The following TMEM135 variants were observed in gnomAD, a reference collection of about 807,000 sequenced individuals.
The protein encoded by TMEM135 is peroxisomal membrane protein 52.
Under a neutral mutation model 60.3 loss-of-function variants are expected in TMEM135, and 30 were observed. That is an observed-to-expected ratio of 0.50 (90% confidence interval 0.37 to 0.68). The LOEUF is 0.68. Ranked by LOEUF, TMEM135 falls within the 30% of genes least tolerant of loss-of-function variation. TMEM135 has a pLI of 0.00. For synonymous variants in TMEM135, 190 were observed against 186.7 expected, an observed-to-expected ratio of 1.02 and a Z score of -0.14; for missense variants, 468 against 548.8, an observed-to-expected ratio of 0.85 and a Z score of 1.47.
chr11:87,145,300 A>G (rs1317266532), intron 4 of TMEM135, among the ~76,000 whole-genome samples: 1 of 152,170 alleles, frequency 6.6e-6, no homozygotes, highest in Non-Finnish European at 1.5e-5. Context: ...TAGTGTAAAT[A>G]CCTCACCTTT....
chr11:87,277,317 G>C (rs1941986677), intron 6 of TMEM135: 1 of 371,656 alleles, frequency 2.7e-6, no homozygotes, highest in African/African-American at 2.2e-5. Flanking sequence ...TTTTTGTAGA[G>C]ATGAGGTTTC....
chr11:87,197,912 C>G (rs1189474238), intron 5 of TMEM135, among the ~76,000 whole-genome samples: 2 of 151,870 alleles, frequency 1.3e-5, no homozygotes, highest in East Asian at 3.9e-4. Context: ...AAATATTTAT[C>G]TATTTTTATT....
chr11:87,127,913 A>C (rs1029556968), intron 4 of TMEM135, among the ~76,000 whole-genome samples: 16 of 152,212 alleles, frequency 1.1e-4, no homozygotes, highest in Admixed American at 7.9e-4. Flanking sequence ...GAATACAATA[A>C]TGTACATGTG....
At chr11:87,045,234 G>C (rs951028518) in intron 1 of TMEM135, among the ~76,000 whole-genome samples, 13 of 148,954 alleles carry the variant, frequency 8.7e-5, no homozygotes, top group Admixed American at 8.7e-4. Context: ...GTTTCACTCT[G>C]TTAGCCAGGA....
At chr11:87,286,483 C>T (rs867254695) in intron 6 of TMEM135, among the ~76,000 whole-genome samples, 11 of 152,238 alleles carry the variant, frequency 7.2e-5, no homozygotes, top group Admixed American at 2.0e-4. Context: ...GCCAGGGCCA[C>T]GGGCGGAGCT....
At chr11:87,268,175 TTTCTTTTCTTTC>T (rs1941789723) in intron 6 of TMEM135, among the ~76,000 whole-genome samples, 1 of 149,136 alleles carries the variant, frequency 6.7e-6, no homozygotes, top group African/African-American at 2.4e-5. Context: ...TTTCCTTTCT[TTTCTTTTCTTTC>T]TTCTTTTCTG....
chr11:87,056,030 C>T (rs1212281012), intron 1 of TMEM135, among the ~76,000 whole-genome samples: 1 of 152,060 alleles, frequency 6.6e-6, no homozygotes, highest in Non-Finnish European at 1.5e-5. Context: ...ACGCGTCCAC[C>T]CTAGGTACAA....
intron 5 of TMEM135, among the ~76,000 whole-genome samples, chr11:87,206,554 A>C (rs1940238960): frequency 1.3e-5 from 2 of 152,172 alleles, no homozygotes; most frequent in Admixed American, 1.3e-4. Flanking sequence ...ATTTTTATGA[A>C]GTATCCATGA....
chr11:87,298,979 T>A (rs1942397766), intron 7 of TMEM135, among the ~76,000 whole-genome samples: 1 of 151,814 alleles, frequency 6.6e-6, no homozygotes, highest in Admixed American at 6.6e-5. Context: ...TCCCAGCGAC[T>A]TGAGAGGCTG....
intron 4 of TMEM135, among the ~76,000 whole-genome samples, chr11:87,135,984 AT>A: frequency 6.6e-6 from 1 of 152,054 alleles, no homozygotes; most frequent in East Asian, 1.9e-4. Flanking sequence ...AGTATTTAAT[AT>A]TTTTTAATGC....
At chr11:87,307,136 C>T (rs1942562330) in intron 9 of TMEM135, among the ~76,000 whole-genome samples, 1 of 152,000 alleles carries the variant, frequency 6.6e-6, no homozygotes, top group South Asian at 2.1e-4. Context: ...TGTGCAGCAC[C>T]CCAAAAGACA....
At chr11:87,124,625 A>T (rs956549230) in intron 4 of TMEM135, among the ~76,000 whole-genome samples, 1 of 152,120 alleles carries the variant, frequency 6.6e-6, no homozygotes, top group Non-Finnish European at 1.5e-5. Flanking sequence ...TTCATTTAAT[A>T]CGTATGTGTT....
chr11:87,192,995 G>A (rs1291084612), intron 5 of TMEM135, among the ~76,000 whole-genome samples: 2 of 152,058 alleles, frequency 1.3e-5, no homozygotes, highest in African/African-American at 4.8e-5. Flanking sequence ...CCCACCTGTA[G>A]TCCAAGCTAC....
rs185243563 is a variant in TMEM135, at chr11:87,301,349, G to A, written c.552-947G>A. 3.3e-5 allele frequency among the ~76,000 whole-genome samples: 5 copies of A among 151,946 alleles called. 1 individual carries two copies. The highest frequency in any genetic ancestry group is 1.2e-4 in the African/African-American group (5 of 41,336). ...GCCCACTGTAGCCTTTAATTCCTAA[G>A]CTCAAGCAATCCTCCCACGTCAGCC... On this transcript the variant is annotated intron_variant, in intron 7 of 14. Coordinates refer to ENST00000305494, the MANE Select transcript of TMEM135 (RefSeq NM_022918.4).
intron 7 of TMEM135, among the ~76,000 whole-genome samples, chr11:87,301,621 C>T (rs1369182708): frequency 6.6e-6 from 1 of 151,992 alleles, no homozygotes; most frequent in East Asian, 1.9e-4. Flanking sequence ...TTTCGGAAAG[C>T]TTGGAAGGTA....
chr11:87,083,424 G>A (rs1857030386), intron 3 of TMEM135, among the ~76,000 whole-genome samples: 1 of 152,184 alleles, frequency 6.6e-6, no homozygotes, highest in Non-Finnish European at 1.5e-5. Context: ...TTGATATTTA[G>A]TATTAGTTAA....
At chr11:87,163,655 CA>C (rs1293473295) in intron 5 of TMEM135, among the ~76,000 whole-genome samples, 2 of 151,602 alleles carry the variant, frequency 1.3e-5, no homozygotes, top group Admixed American at 6.6e-5. Flanking sequence ...GTCCCACCAA[CA>C]GTGTAAAAGT....
At chr11:87,251,300 G>A (rs555925952) in intron 6 of TMEM135, among the ~76,000 whole-genome samples, 2 of 152,260 alleles carry the variant, frequency 1.3e-5, no homozygotes, top group South Asian at 4.2e-4. Context: ...ATGGACTGGA[G>A]AATCTTGATG....
chr11:87,296,021 A>G (rs906529522), intron 7 of TMEM135, among the ~76,000 whole-genome samples, 198 bp downstream of exon 7: 1 of 152,214 alleles, frequency 6.6e-6, no homozygotes, highest in African/African-American at 2.4e-5. Flanking sequence ...AAAATTAATC[A>G]ACGACTTCTT....
Sources: allele counts gnomAD v4.1 joint callset (sites outside exome capture counted in the v4.1 genomes callset), GRCh38; gene constraint gnomAD v4.1.1; transcripts MANE v1.5; gene names NCBI Gene and HGNC (gene_info 2026-07-23, HGNC 2026-07-21).